CRMP1: variants seen among roughly 807,000 people sequenced by gnomAD.
CRMP1 encodes dihydropyrimidinase-related protein 1.
A neutral mutation model predicts 68.3 loss-of-function variants in CRMP1; 19 were observed. The ratio of observed to expected loss-of-function variants is 0.28; its 90% CI spans 0.19 to 0.41. The LOEUF is 0.41. Among genes scored for constraint, CRMP1 ranks in the 10% least tolerant of loss-of-function variants. The pLI is 1.00. For synonymous variants in CRMP1, 439 were observed against 399.6 expected (o/e 1.10, Z -1.18); for missense variants, 791 against 967.4 (o/e 0.82, Z 2.42).
At position 5,854,410 on chromosome 4, in the gene CRMP1, T is replaced by G. The variant is rs1369276454; in HGVS notation, c.820+1733A>C. Among the ~76,000 whole-genome samples the G allele has an allele frequency of 6.8e-5, 10 of 147,404 alleles. No individual in the cohort carries two copies. Among genetic ancestry groups the G allele is most frequent in the East Asian group, 2.0e-4 (1 of 5,006 alleles). Reference sequence around the variant, plus strand: ...CCACTCCTGGCTATGTTTTTTTTTTTTTTTTTTTTTTTTTAATAGAGTCGT... The same window carrying G: ...CCACTCCTGGCTATGTTTTTTTTTTGTTTTTTTTTTTTTTAATAGAGTCGT... On this transcript the variant is annotated intron_variant, in intron 4 of 13. Transcript: ENST00000324989. The surrounding 1 kb of genome is among the most constrained non-coding windows in gnomAD (Gnocchi z 4.0).
In CRMP1 at chr4:5,872,690, A is replaced by G. The variant is rs1714542534; in HGVS notation, c.382-5934T>C. On this transcript the variant is annotated intron_variant, in intron 1 of 13. Coordinates refer to ENST00000324989, the MANE Select transcript of CRMP1 (RefSeq NM_001014809.3). The surrounding 1 kb of genome is among the most constrained non-coding windows in gnomAD (Gnocchi z 4.6). ...CAACAGAGCGAGACTCCATCTCAAA[A>G]AACAATTATTATGTATAAACCTTGA... Among the ~76,000 whole-genome samples, 1 of 152,222 alleles carries G rather than the reference A, an allele frequency of 6.6e-6. No individual in the cohort carries two copies. Among genetic ancestry groups the G allele is most frequent in the African/African-American group, 2.4e-5 (1 of 41,458 alleles).
rs1362762860 is a variant in CRMP1 at position 5,888,833 on chromosome 4, G to C, written c.381+3756C>G. 2.0e-5 allele frequency among the ~76,000 whole-genome samples: 3 copies of C among 151,834 alleles called. No individual in the cohort carries two copies. Among genetic ancestry groups the C allele is most frequent in the Admixed American group, 2.0e-4 (3 of 15,258 alleles). On this transcript the variant is annotated intron_variant, in intron 1 of 13. Coordinates refer to ENST00000324989, the MANE Select transcript of CRMP1 (RefSeq NM_001014809.3). The surrounding 1 kb of genome is among the most constrained non-coding windows in gnomAD (Gnocchi z 6.4). ...TCCCCGGAACATCTGCGGGGGTGTG[G>C]GGGGAGGGAGTGTGGGACGGGGGCC...
At position 5,827,471 on chromosome 4, in the gene CRMP1, C is replaced by G. The variant is rs549568513; in HGVS notation, c.1803+1018G>C. On this transcript the variant is annotated intron_variant, in intron 12 of 13. Transcript: ENST00000324989. Reference sequence around the variant, plus strand: ...GACCAAAACCAGATGCAGAGCCTCCCAGTCCGGGCTGGAGCCTGGGAATGC... The same window carrying G: ...GACCAAAACCAGATGCAGAGCCTCCGAGTCCGGGCTGGAGCCTGGGAATGC... Among the ~76,000 whole-genome samples, 22 of 152,308 alleles carry G rather than the reference C, an allele frequency of 1.4e-4. No homozygotes were observed. The South Asian group carries it at 3.7e-3, about 26-fold the overall frequency.
Position 5,881,811 on chromosome 4 carries a change from C to A in CRMP1, c.381+10778G>T, listed in dbSNP as rs1357780798. On this transcript the variant is annotated intron_variant, in intron 1 of 13. Coordinates refer to ENST00000324989, the MANE Select transcript of CRMP1 (RefSeq NM_001014809.3). The surrounding 1 kb of genome is among the most constrained non-coding windows in gnomAD (Gnocchi z 4.6). Reference sequence around the variant, plus strand: ...ATTTTTTTGAGTACACCACTGTGCTCACAGCACACAGGCTGAGAACCACTG... The same window carrying A: ...ATTTTTTTGAGTACACCACTGTGCTAACAGCACACAGGCTGAGAACCACTG... Among the ~76,000 whole-genome samples, 1 of 152,146 alleles carries A rather than the reference C, an allele frequency of 6.6e-6. No individual in the cohort carries two copies. The highest frequency in any genetic ancestry group is 1.5e-5 in the Non-Finnish European group (1 of 68,024).
Position 5,843,210 on chromosome 4 carries a change from G to A in CRMP1, c.964-49C>T, listed in dbSNP as rs769682449. 6 of 1,599,556 alleles carry A rather than the reference G, an allele frequency of 3.8e-6. No individual in the cohort carries two copies. The Admixed American group carries it at 1.0e-4, about 27-fold the overall frequency. ...TAACGATTAGAGGGTGTCAGAGCTG[G>A]GAGAAGTGACTCCTCCAACCCCCTG... On this transcript the variant is annotated intron_variant, in intron 6 of 13. Transcript: ENST00000324989. The surrounding 1 kb of genome is among the most constrained non-coding windows in gnomAD (Gnocchi z 4.1).
In CRMP1 at chr4:5,825,399, T is replaced by C; in HGVS notation, c.1969+95A>G. On this transcript the variant is annotated intron_variant, in intron 13 of 13. Coordinates refer to ENST00000324989, the MANE Select transcript of CRMP1 (RefSeq NM_001014809.3). The surrounding 1 kb of genome is among the most constrained non-coding windows in gnomAD (Gnocchi z 4.4). ...CCCTTCCCTGCTTCTTCATCTAGTG[T>C]CCAAGGCCACGTGTCCATTTCCTCA... 6.7e-7 allele frequency: 1 copy of C among 1,486,912 alleles called. No individual in the cohort carries two copies. Among genetic ancestry groups the C allele is most frequent in the Non-Finnish European group, 8.9e-7 (1 of 1,125,622 alleles). 92.1% of individuals were successfully genotyped at this position (1,486,912 alleles called of 1,614,324 possible). A position where few individuals can be genotyped will look rare whatever the true frequency, so the allele number is the denominator to read the frequency against.
Position 5,888,356 on chromosome 4 carries a change from C to A in CRMP1, c.381+4233G>T, listed in dbSNP as rs1715754448. 8.1e-7 allele frequency: 1 copy of A among 1,231,202 alleles called. No homozygotes were observed. The highest frequency in any genetic ancestry group is 2.2e-4 in the Middle Eastern group (1 of 4,636). The allele number at this position is 1,231,202 out of a possible 1,614,324, so 76.3% of individuals were successfully genotyped here. A position where few individuals can be genotyped will look rare whatever the true frequency, so the allele number is the denominator to read the frequency against. ...CTCGGCCCCGCTCCCAGCGGGCGCG[C>A]TGACAAAGGCCCGGGAGGGATAGAG... On this transcript the variant is annotated intron_variant, in intron 1 of 13. Transcript: ENST00000324989. The surrounding 1 kb of genome is among the most constrained non-coding windows in gnomAD (Gnocchi z 6.4).
chr4:5,824,682 G>A, intron 13 of CRMP1: 3 of 976,178 alleles, frequency 3.1e-6, no homozygotes, highest in Non-Finnish European at 2.4e-6. Context: ...CATCCTAGAT[G>A]TTGCCTCTTA....
At chr4:5,837,060 G>A (rs1385900665) in intron 9 of CRMP1, among the ~76,000 whole-genome samples, 154 bp from the exon 10 acceptor site, 3 of 152,238 alleles carry the variant, frequency 2.0e-5, no homozygotes, top group Non-Finnish European at 4.4e-5. Context: ...GCCTGCACGT[G>A]TCACAAGTCA....
At position 5,889,855 on chromosome 4, in the gene CRMP1, G is replaced by A. The variant is rs944407628; in HGVS notation, c.381+2734C>T. The A allele has an allele frequency of 6.9e-7, 1 of 1,446,210 alleles. No homozygotes were observed. The highest frequency in any genetic ancestry group is 9.1e-7 in the Non-Finnish European group (1 of 1,102,930). The allele number at this position is 1,446,210 out of a possible 1,614,324, so 89.6% of individuals were successfully genotyped here. On this transcript the variant is annotated intron_variant, in intron 1 of 13. Coordinates refer to ENST00000324989, the MANE Select transcript of CRMP1 (RefSeq NM_001014809.3). This position sits in a 1 kb window ranked among gnomAD's most constrained non-coding sequence, Gnocchi z 4.5. Reference sequence around the variant, plus strand: ...CCAGAGACACCTGGGCCTTAAAATAGAGGTGAGGTTTTAGCTTCACAGAGA... The same window carrying A: ...CCAGAGACACCTGGGCCTTAAAATAAAGGTGAGGTTTTAGCTTCACAGAGA...
intron 11 of CRMP1, among the ~76,000 whole-genome samples, chr4:5,832,282 A>T (rs1720434564): frequency 6.6e-6 from 1 of 152,238 alleles, no homozygotes. Flanking sequence ...AAGCCACTGA[A>T]TTGTACACTT....
chr4:5,844,358 G>T (rs1004399081), intron 6 of CRMP1, among the ~76,000 whole-genome samples: 3 of 150,684 alleles, frequency 2.0e-5, no homozygotes, highest in African/African-American at 7.3e-5. Context: ...GGAGGGGGAG[G>T]GCAGGGGAGG....
rs1198642446 is a variant in CRMP1, at chr4:5,855,617, A to T, written c.820+526T>A. ...GGTTTGGCAGAAGAGCCAGACAGAC[A>T]AACCATGTCCCATAATCCAGGAACA... On this transcript the variant is annotated intron_variant, in intron 4 of 13. Transcript: ENST00000324989. This position sits in a 1 kb window ranked among gnomAD's most constrained non-coding sequence, Gnocchi z 4.9. 6.6e-6 allele frequency among the ~76,000 whole-genome samples: 1 copy of T among 152,210 alleles called. No homozygotes were observed. Among genetic ancestry groups the T allele is most frequent in the Non-Finnish European group, 1.5e-5 (1 of 68,030 alleles).
At chr4:5,826,138 T>TCATACA (rs139220384) in intron 12 of CRMP1, 7,351 of 164,494 alleles carry the variant, frequency 0.045, 188 homozygotes, top group African/African-American at 0.062. Context: ...ACACGCATAC[T>TCATACA]CATACACACA....
In CRMP1 at chr4:5,839,695, A is replaced by G. The variant is rs561655071; in HGVS notation, c.1154-17T>C. Reference sequence around the variant, plus strand: ...CTAGGGGCCCTTAGGAGGGGAAAACATAAGCCTGGTTAAAAGCAAATACTC... The same window carrying G: ...CTAGGGGCCCTTAGGAGGGGAAAACGTAAGCCTGGTTAAAAGCAAATACTC... On this transcript the variant is annotated splice_polypyrimidine_tract_variant and intron_variant, in intron 8 of 13. Transcript: ENST00000324989. 1.4e-5 allele frequency: 21 copies of G among 1,554,602 alleles called. No individual in the cohort carries two copies. The East Asian group carries it at 2.1e-4, about 16-fold the overall frequency.
chr4:5,863,909 C>T (rs758452901), intron 2 of CRMP1, among the ~76,000 whole-genome samples: 8 of 152,224 alleles, frequency 5.3e-5, no homozygotes, highest in Non-Finnish European at 1.0e-4. Context: ...CCCAAGGGCC[C>T]TGTGAGGCCT....
At chr4:5,873,165 A>T (rs7698348) in intron 1 of CRMP1, among the ~76,000 whole-genome samples, 59,787 of 152,078 alleles carry the variant, frequency 0.39, 14,337 homozygotes, top group East Asian at 0.74. Context: ...CTAAGTCAAC[A>T]GCTGGCCTTT....
At chr4:5,869,246 C>G (rs1034106557) in intron 1 of CRMP1, among the ~76,000 whole-genome samples, 4 of 152,138 alleles carry the variant, frequency 2.6e-5, no homozygotes, top group African/African-American at 9.7e-5. Context: ...AGCCACCGTG[C>G]CTTGGCAATT....
At position 5,879,477 on chromosome 4, in the gene CRMP1, T is replaced by C. The variant is rs1382118562; in HGVS notation, c.382-12721A>G. Among the ~76,000 whole-genome samples the C allele has an allele frequency of 1.3e-5, 2 of 152,234 alleles. No homozygotes were observed. On this transcript the variant is annotated intron_variant, in intron 1 of 13. Transcript: ENST00000324989. This position sits in a 1 kb window ranked among gnomAD's most constrained non-coding sequence, Gnocchi z 4.2. ...AGACTGAAATCCTTGGCACCAGAGA[T>C]GGCAGCTTATTCCCACATAGCTTCT...
Sources: allele counts gnomAD v4.1 joint callset (sites outside exome capture counted in the v4.1 genomes callset), GRCh38; gene constraint gnomAD v4.1.1; non-coding constraint Gnocchi (gnomAD v3.1); transcripts MANE v1.5; gene names NCBI Gene and HGNC (gene_info 2026-07-23, HGNC 2026-07-21).